The following SHOC1 variants were observed in gnomAD, a reference collection of about 807,000 sequenced individuals.
SHOC1 encodes the protein protein shortage in chiasmata 1 ortholog.
In SHOC1, 136 loss-of-function variants were observed where a neutral mutation model predicts 179.2. The ratio of observed to expected loss-of-function variants is 0.76; its 90% CI spans 0.66 to 0.87. SHOC1 has a LOEUF of 0.87. Among genes scored for constraint, SHOC1 ranks in the 40% least tolerant of loss-of-function variants. The pLI, the probability that SHOC1 is intolerant of heterozygous loss-of-function variation, is 0.00. For missense variants in SHOC1, 1,538 were observed against 1,700.8 expected, an observed-to-expected ratio of 0.90 and a Z score of 1.68; for synonymous variants, 489 against 586.6, an observed-to-expected ratio of 0.83 and a Z score of 2.41.
chr9:111,789,391 A>G (rs895491037), intron 2 of SHOC1, among the ~76,000 whole-genome samples: 6 of 152,192 alleles, frequency 3.9e-5, no homozygotes, highest in Non-Finnish European at 7.3e-5. Context: ...TTTTCCCACA[A>G]ACTGTATTAT....
chr9:111,793,284 A>C (rs1465446299), intron 1 of SHOC1, among the ~76,000 whole-genome samples: 1 of 152,204 alleles, frequency 6.6e-6, no homozygotes, highest in Non-Finnish European at 1.5e-5. Flanking sequence ...CATTGCAAAA[A>C]GTTAACAACA....
At chr9:111,776,272 G>C (rs1835830272) in intron 4 of SHOC1, among the ~76,000 whole-genome samples, 1 of 152,046 alleles carries the variant, frequency 6.6e-6, no homozygotes, top group Non-Finnish European at 1.5e-5. Context: ...CCTAATATTT[G>C]AATGGATAAA....
At chr9:111,732,398 T>A (rs1463965793) in intron 12 of SHOC1, among the ~76,000 whole-genome samples, 1 of 152,138 alleles carries the variant, frequency 6.6e-6, no homozygotes, top group Non-Finnish European at 1.5e-5. Flanking sequence ...CCATCTCTAA[T>A]TAATTTTTTA....
intron 12 of SHOC1, among the ~76,000 whole-genome samples, chr9:111,737,697 CCCA>C (rs558268904): frequency 0.016 from 2,113 of 132,560 alleles, 34 homozygotes; most frequent in African/African-American, 0.046. Context: ...AACCCCCCCC[CCCA>C]CACACAAAAT....
intron 4 of SHOC1, among the ~76,000 whole-genome samples, chr9:111,779,270 CAGAA>C (rs1327432234): frequency 6.6e-6 from 1 of 152,028 alleles, no homozygotes; most frequent in African/African-American, 2.4e-5. Flanking sequence ...AATCAACAGA[CAGAA>C]AGTAGATTCT....
chr9:111,701,958 C>G (rs1564108749), intron 23 of SHOC1, 147 bp downstream of exon 23: 2 of 528,304 alleles, frequency 3.8e-6, no homozygotes, highest in Non-Finnish European at 6.5e-6. Context: ...ATTTGTTTTC[C>G]TGTGATCATA....
chr9:111,746,401 G>A (rs1443378448), intron 9 of SHOC1, 59 bp from the exon 10 acceptor site: 20 of 1,108,980 alleles, frequency 1.8e-5, no homozygotes, highest in East Asian at 7.4e-5. Flanking sequence ...TAGGCTAGGC[G>A]TGGTGGCTCA....
chr9:111,785,972 G>A lies in SHOC1; in HGVS notation c.109C>T (p.Gln37Ter). ...LLLRIPSCLY[Q>*]DESYHVAVTD... ...ACTGCTACATGGTAACTTTCATCTT[G>A]ATATAAACATGAAGGGATTCGAAGC... The change falls in exon 3 of 28, where the codon CAA becomes TAA. Residue 37 changes from glutamine (Q) to a stop codon, truncating the protein, a stop_gained. Coordinates refer to ENST00000682961, the MANE Select transcript of SHOC1 (RefSeq NM_001378211.1). LOFTEE classifies it high-confidence loss of function. The A allele has an allele frequency of 6.5e-7, 1 of 1,527,480 alleles. No individual in the cohort carries two copies. The highest frequency in any genetic ancestry group is 8.8e-7 in the Non-Finnish European group (1 of 1,136,628). The allele number at this position is 1,527,480 out of a possible 1,614,324, so 94.6% of individuals were successfully genotyped here. A position where few individuals can be genotyped will look rare whatever the true frequency, so the allele number is the denominator to read the frequency against.
intron 4 of SHOC1, among the ~76,000 whole-genome samples, chr9:111,780,375 T>C (rs758338627): frequency 6.6e-6 from 1 of 152,240 alleles, no homozygotes; most frequent in Non-Finnish European, 1.5e-5. Flanking sequence ...ACGTTTACAA[T>C]GTAGAACAGG....
intron 26 of SHOC1, among the ~76,000 whole-genome samples, chr9:111,693,250 G>A (rs1205785268): frequency 6.6e-6 from 1 of 151,594 alleles, no homozygotes; most frequent in African/African-American, 2.4e-5. Flanking sequence ...AGACTGCAGT[G>A]AGCCGAGATC....
intron 16 of SHOC1, 69 bp downstream of exon 16, chr9:111,718,115 G>T: frequency 8.7e-7 from 1 of 1,147,900 alleles, no homozygotes; most frequent in South Asian, 1.5e-5. Flanking sequence ...ATCTTTTTCA[G>T]AAAAGTAAGT....
Position 111,741,432 on chromosome 9 carries a change from T to A in SHOC1, c.1174+44A>T, listed in dbSNP as rs1239786330. 6 of 1,094,724 alleles carry A rather than the reference T, an allele frequency of 5.5e-6. No individual in the cohort carries two copies. The South Asian group carries it at 7.9e-5, about 14-fold the overall frequency. The allele number at this position is 1,094,724 out of a possible 1,614,324, so 67.8% of individuals were successfully genotyped here. On this transcript the variant is annotated intron_variant, in intron 11 of 27. Transcript: ENST00000682961. ...CACATTTCTACTCGTTGTACCTTTT[T>A]ACCTATACTTTCTATTTATCACTTA...
chr9:111,776,114 C>A, intron 4 of SHOC1, 139 bp from the exon 5 acceptor site: 4 of 638,172 alleles, frequency 6.3e-6, no homozygotes, highest in South Asian at 2.2e-5. Flanking sequence ...TCCCATCATT[C>A]AAGATAAATA....
Position 111,714,539 on chromosome 9 carries a change from T to A in SHOC1, c.2321A>T (p.Gln774Leu), listed in dbSNP as rs1832701534. ...TTCAGGCTTTTTCCCCCTAATAAAC[T>A]GTACAATCTCCAGCTGTCTCCAAAT... is the stretch of plus-strand genomic sequence containing the variant. ...GDIWRQLEIV[Q>L]FIRGKKPETN... Residue 774 changes from glutamine to leucine, a missense_variant, in exon 17 of 28, where the codon CAG (glutamine) becomes CTG (leucine). Physicochemically the swap from Gln to Leu is moderately radical, Grantham distance 113. Coordinates refer to ENST00000682961, the MANE Select transcript of SHOC1 (RefSeq NM_001378211.1). 2 of 1,613,970 alleles carry A rather than the reference T, an allele frequency of 1.2e-6. No homozygotes were observed. The highest frequency in any genetic ancestry group is 1.7e-6 in the Non-Finnish European group (2 of 1,179,938).
intron 8 of SHOC1, among the ~76,000 whole-genome samples, chr9:111,749,634 C>G (rs1473078364): frequency 6.6e-6 from 1 of 152,110 alleles, no homozygotes; most frequent in Non-Finnish European, 1.5e-5. Context: ...GTATTAAGCC[C>G]AGCATCCATT....
intron 12 of SHOC1, among the ~76,000 whole-genome samples, chr9:111,734,190 C>T (rs1833719157): frequency 2.0e-5 from 3 of 151,860 alleles, no homozygotes; most frequent in Non-Finnish European, 2.9e-5. Flanking sequence ...ATCAAGCAAA[C>T]GTATTGCTAT....
At chr9:111,754,695 C>A (rs1422440877) in intron 8 of SHOC1, among the ~76,000 whole-genome samples, 1 of 150,674 alleles carries the variant, frequency 6.6e-6, no homozygotes, top group Admixed American at 6.6e-5. Flanking sequence ...GTTAAAAGGA[C>A]AGCCCAAATA....
At chr9:111,793,997 G>A (rs12344474) in intron 1 of SHOC1, among the ~76,000 whole-genome samples, 8,697 of 151,408 alleles carry the variant, frequency 0.057, 614 homozygotes, top group African/African-American at 0.17. Flanking sequence ...GATTACAGGC[G>A]GGTGCCACCA....
At chr9:111,753,205 G>T (rs1025516490) in intron 8 of SHOC1, among the ~76,000 whole-genome samples, 1 of 152,124 alleles carries the variant, frequency 6.6e-6, no homozygotes, top group Non-Finnish European at 1.5e-5. Context: ...CGCTTGCTCA[G>T]TTGCCTTCAA....
Sources: gnomAD v4.1 joint callset for allele counts (sites outside exome capture counted in the v4.1 genomes callset) on GRCh38, gnomAD v4.1.1 for gene constraint, MANE v1.5 for transcripts, NCBI Gene and HGNC (gene_info 2026-07-23, HGNC 2026-07-21) for gene names.